TRIOBP: variants seen among roughly 807,000 people sequenced by gnomAD.
The protein encoded by TRIOBP is TRIO and F-actin-binding protein.
Under a neutral mutation model 238.8 loss-of-function variants are expected in TRIOBP, and 169 were observed. The ratio of observed to expected loss-of-function variants is 0.71; its 90% CI spans 0.62 to 0.80. TRIOBP has a LOEUF of 0.80. Ranked by LOEUF, TRIOBP falls within the 30% of genes least tolerant of loss-of-function variation. The probability of loss-of-function intolerance (pLI) is 0.00; values close to 1 mark genes in which losing one functional copy is unlikely to be tolerated. For synonymous variants in TRIOBP, 1,150 were observed against 1,274.4 expected (o/e 0.90, Z 2.08); for missense variants, 2,838 against 3,122.6 (o/e 0.91, Z 2.17).
intron 7 of TRIOBP, among the ~76,000 whole-genome samples, chr22:37,731,811 A>C (rs1601637310): frequency 6.6e-6 from 1 of 152,098 alleles, no homozygotes. Context: ...GCTGGTCTTG[A>C]ACTCCTGAGC....
intron 5 of TRIOBP, among the ~76,000 whole-genome samples, chr22:37,713,907 G>C (rs1923385909): frequency 1.3e-5 from 2 of 152,214 alleles, no homozygotes; most frequent in African/African-American, 4.8e-5. Flanking sequence ...TTTGCATTTT[G>C]AGGGGCTGCC....
intron 21 of TRIOBP, among the ~76,000 whole-genome samples, chr22:37,770,044 T>C (rs1299299313): frequency 6.7e-6 from 1 of 149,794 alleles, no homozygotes; most frequent in African/African-American, 2.5e-5. Context: ...TTTATTTCTT[T>C]ACTTTTTTTT....
Position 37,769,139 on chromosome 22 carries a change from G to A in TRIOBP, c.6687G>A (p.Thr2229=), listed in dbSNP as rs766094655. 4 of 1,612,312 alleles carry A rather than the reference G, an allele frequency of 2.5e-6. No homozygotes were observed. Among genetic ancestry groups the A allele is most frequent in the East Asian group, 4.5e-5 (2 of 44,884 alleles). Residue 2229 remains threonine, a synonymous_variant, in exon 20 of 24, where the codon ACG becomes ACA. Coordinates refer to ENST00000644935, the MANE Select transcript of TRIOBP (RefSeq NM_001039141.3). ...LMRQAEEREH[T]LRRCQQEGQE... ...GGCAGGCTGAGGAGCGCGAGCACAC[G>A]CTGCGCCGCTGCCAGCAGGAGGGCC...
At chr22:37,700,793 G>A (rs1437391840) in intron 2 of TRIOBP, among the ~76,000 whole-genome samples, 1 of 152,188 alleles carries the variant, frequency 6.6e-6, no homozygotes, top group African/African-American at 2.4e-5. Flanking sequence ...CTGGGTTCAA[G>A]CCATTCTCCT....
rs1214465245 is a variant in TRIOBP at position 37,746,492 on chromosome 22, C to G, written c.5323-5280C>G. On this transcript the variant is annotated intron_variant, in intron 11 of 23. Coordinates refer to ENST00000644935, the MANE Select transcript of TRIOBP (RefSeq NM_001039141.3). ...GACGACCCGAGGCAGAGCCCAGCCT[C>G]TCCCCTCCGGGGCAGCCCCCTCCTC... is the stretch of plus-strand genomic sequence containing the variant. 4 of 1,279,748 alleles carry G rather than the reference C, an allele frequency of 3.1e-6. No individual in the cohort carries two copies. The African/African-American group carries it at 4.7e-5, about 15-fold the overall frequency. The allele number at this position is 1,279,748 out of a possible 1,614,324, so 79.3% of individuals were successfully genotyped here. A position where few individuals can be genotyped will look rare whatever the true frequency, so the allele number is the denominator to read the frequency against.
intron 17 of TRIOBP, among the ~76,000 whole-genome samples, chr22:37,763,813 C>T (rs754936021): frequency 2.6e-5 from 4 of 152,182 alleles, no homozygotes; most frequent in Non-Finnish European, 2.9e-5. Flanking sequence ...TATTACCTCA[C>T]GCTTCTGTAG....
At chr22:37,733,937 G>A (rs1253939128) in intron 8 of TRIOBP, among the ~76,000 whole-genome samples, 2 of 152,240 alleles carry the variant, frequency 1.3e-5, no homozygotes, top group African/African-American at 4.8e-5. Flanking sequence ...AAGGTGCTGG[G>A]ATTACAGGCG....
At chr22:37,704,569 A>G (rs1922838397) in intron 3 of TRIOBP, among the ~76,000 whole-genome samples, 1 of 152,024 alleles carries the variant, frequency 6.6e-6, no homozygotes, top group South Asian at 2.1e-4. Flanking sequence ...AGAGAAATGC[A>G]CATGATTATT....
At position 37,754,908 on chromosome 22, in the gene TRIOBP, C is replaced by A; in HGVS notation, c.5411C>A (p.Thr1804Asn). 1 of 1,614,182 alleles carries A rather than the reference C, an allele frequency of 6.2e-7. No homozygotes were observed. Among genetic ancestry groups the A allele is most frequent in the Non-Finnish European group, 8.5e-7 (1 of 1,180,036 alleles). The change falls in exon 13 of 24, where the codon ACT becomes AAT. Residue 1804 changes from threonine to asparagine, a missense_variant. This residue lies in a region of TRIOBP where 2,096 missense variants were observed against 2,137.4 expected (regional missense o/e 0.98). Transcript: ENST00000644935. ...PPSPSLTTTS[T>N]SQWKKHWFVL... ...TCCCCCTCGCTCACCACCACCTCTA[C>A]TTCGCAGTGGAAGAAACATTGGTTT...
chr22:37,701,686 C>T (rs1922653858), intron 3 of TRIOBP, among the ~76,000 whole-genome samples: 1 of 152,204 alleles, frequency 6.6e-6, no homozygotes, highest in South Asian at 2.1e-4. Flanking sequence ...TTATATGATA[C>T]GATTGTTACC....
chr22:37,738,387 T>C (rs1447882752), intron 9 of TRIOBP, among the ~76,000 whole-genome samples: 3 of 151,796 alleles, frequency 2.0e-5, no homozygotes, highest in African/African-American at 7.3e-5. Context: ...GATATGTAGG[T>C]ATTGGGTAAA....
At chr22:37,721,069 C>T (rs1354990018) in intron 6 of TRIOBP, among the ~76,000 whole-genome samples, 1 of 151,078 alleles carries the variant, frequency 6.6e-6, no homozygotes, top group African/African-American at 2.4e-5. Flanking sequence ...TGGGGTTTCA[C>T]CGTGTTAGCA....
chr22:37,720,942 C>T (rs1923791971), intron 6 of TRIOBP, among the ~76,000 whole-genome samples: 1 of 152,158 alleles, frequency 6.6e-6, no homozygotes. Context: ...ACTGCAACCT[C>T]CACCTCCCGG....
intron 3 of TRIOBP, among the ~76,000 whole-genome samples, chr22:37,704,514 A>G (rs2145812992): frequency 6.6e-6 from 1 of 151,882 alleles, no homozygotes. Context: ...AGGAGGAGAG[A>G]GGGACACATC....
chr22:37,731,817 T>G (rs1176051558), intron 7 of TRIOBP, among the ~76,000 whole-genome samples: 2 of 152,306 alleles, frequency 1.3e-5, no homozygotes, highest in East Asian at 3.9e-4. Flanking sequence ...CTTGAACTCC[T>G]GAGCTCAAGC....
Position 37,724,917 on chromosome 22 carries a change from A to G in TRIOBP, c.2361A>G (p.Thr787=), listed in dbSNP as rs750274123. The change falls in exon 7 of 24, where the codon ACA becomes ACG. Residue 787 remains threonine, a synonymous_variant. Coordinates refer to ENST00000644935, the MANE Select transcript of TRIOBP (RefSeq NM_001039141.3). ...NPRTSSPNRA[T]RDNPRTSCAQ... ...GGACCTCCTCTCCCAATAGAGCCAC[A>G]CGAGACAACCCCAGAACATCCTGTG... 1 of 1,609,052 alleles carries G rather than the reference A, an allele frequency of 6.2e-7. No individual in the cohort carries two copies. The highest frequency in any genetic ancestry group is 8.5e-7 in the Non-Finnish European group (1 of 1,178,532).
chr22:37,706,969 G>A (rs1432559688), intron 3 of TRIOBP, among the ~76,000 whole-genome samples: 1 of 151,870 alleles, frequency 6.6e-6, no homozygotes, highest in Non-Finnish European at 1.5e-5. Context: ...AGATGTGATA[G>A]TAAAAAACTG....
At position 37,725,969 on chromosome 22, in the gene TRIOBP, ACCTCCCCAGGG is replaced by A; in HGVS notation, c.3416_3426del (p.Leu1139GlnfsTer41). On this transcript the variant is annotated frameshift_variant, in exon 7 of 24. Transcript: ENST00000644935. LOFTEE classifies it high-confidence loss of function. ...CCAGAGCCTTCCCTCTTATTCCAGG[ACCTCCCCAGGG>A]CCAGCACAGAGAGCCTTGTCCCTTC... 1 of 1,597,518 alleles carries A rather than the reference ACCTCCCCAGGG, an allele frequency of 6.3e-7. No homozygotes were observed. Among genetic ancestry groups the A allele is most frequent in the Non-Finnish European group, 8.5e-7 (1 of 1,175,646 alleles).
chr22:37,746,386 T>G (rs1925265916), intron 11 of TRIOBP: 29 of 1,398,200 alleles, frequency 2.1e-5, no homozygotes, highest in Non-Finnish European at 2.7e-5. Flanking sequence ...CGTTCCTGCC[T>G]CCTGCTCCCG....
Sources: allele counts gnomAD v4.1 joint callset (sites outside exome capture counted in the v4.1 genomes callset), GRCh38; gene constraint gnomAD v4.1.1; regional missense constraint gnomAD v4.1.1; transcripts MANE v1.5; gene names NCBI Gene and HGNC (gene_info 2026-07-23, HGNC 2026-07-21).